Variants in ZNF503 observed in about 807,000 individuals in gnomAD.
ZNF503 encodes NocA-like zinc finger 2.
Under a neutral mutation model 34.4 loss-of-function variants are expected in ZNF503, and 15 were observed. That is an observed-to-expected ratio of 0.44 (90% CI 0.29 to 0.67). The LOEUF (loss-of-function observed/expected upper bound fraction) is 0.67. ZNF503 is among the 30% of genes least tolerant of loss of function. The probability of loss-of-function intolerance (pLI) is 0.13; values close to 1 mark genes in which losing one functional copy is unlikely to be tolerated. For synonymous variants in ZNF503, 580 were observed against 456.8 expected (o/e 1.27, Z -3.44); for missense variants, 1,007 against 926.8 (o/e 1.09, Z -1.12).
the ZNF503 span, among the ~76,000 whole-genome samples, chr10:75,281,039 C>T: frequency 6.6e-6 from 1 of 152,056 alleles, no homozygotes; most frequent in African/African-American, 2.4e-5. Context: ...ACAAAGCCTG[C>T]TGTGTGATAA....
chr10:75,309,099 C>T, the ZNF503 span, among the ~76,000 whole-genome samples: 2 of 152,284 alleles, frequency 1.3e-5, no homozygotes, highest in East Asian at 1.9e-4. Context: ...CTGCCTCAGC[C>T]GCTCAGTGTT....
rs777547751 is a variant in ZNF503 at position 75,399,640 on chromosome 10, G to A, written c.1050C>T (p.Phe350=). The part of the protein sequence containing the change: ...VSPYKPGQTV[F]PLPPAGMTYP... ...AGGTCATACCCGCGGGAGGCAGAGGGAACACTGTCTGGCCCGGCTTGTAGG... is the reference window on the plus strand; with the variant it reads ...AGGTCATACCCGCGGGAGGCAGAGGAAACACTGTCTGGCCCGGCTTGTAGG... Residue 350 remains phenylalanine (F), a synonymous_variant, in exon 2 of 2, where the codon TTC becomes TTT. Transcript: ENST00000372524. 11 of 1,598,990 alleles carry A rather than the reference G, an allele frequency of 6.9e-6. No homozygotes were observed. The highest frequency in any genetic ancestry group is 2.2e-5 in the East Asian group (1 of 44,858).
chr10:75,367,306 C>T, the ZNF503 span, among the ~76,000 whole-genome samples: 6 of 152,252 alleles, frequency 3.9e-5, no homozygotes, highest in South Asian at 2.1e-4. Flanking sequence ...ACCCCACCCA[C>T]GCACGGGAAA....
At chr10:75,357,989 A>G in the ZNF503 span, among the ~76,000 whole-genome samples, 2 of 152,228 alleles carry the variant, frequency 1.3e-5, no homozygotes, top group African/African-American at 4.8e-5. Flanking sequence ...CTCCAGACCC[A>G]GTGGGTGCTC....
At chr10:75,364,112 T>C in the ZNF503 span, among the ~76,000 whole-genome samples, 7 of 152,142 alleles carry the variant, frequency 4.6e-5, no homozygotes, top group Non-Finnish European at 8.8e-5. Flanking sequence ...TACAGGTGGG[T>C]CAATATATTG....
chr10:75,332,468 C>CTTTTTTTTTTTTT, the ZNF503 span, among the ~76,000 whole-genome samples: 1 of 140,856 alleles, frequency 7.1e-6, no homozygotes, highest in South Asian at 2.3e-4. Context: ...TTAAATTTTT[C>CTTTTTTTTTTTTT]TTTTTTTTTT....
chr10:75,366,948 C>A, the ZNF503 span, among the ~76,000 whole-genome samples: 1 of 152,224 alleles, frequency 6.6e-6, no homozygotes, highest in African/African-American at 2.4e-5. Flanking sequence ...CCTCCCCTTT[C>A]CTGATTCACT....
the ZNF503 span, among the ~76,000 whole-genome samples, chr10:75,378,268 C>T: frequency 6.6e-6 from 1 of 152,076 alleles, no homozygotes; most frequent in Non-Finnish European, 1.5e-5. Flanking sequence ...AAAGGACAAC[C>T]CCTTCTTTTC....
the ZNF503 span, among the ~76,000 whole-genome samples, chr10:75,344,164 G>A: frequency 6.6e-6 from 1 of 152,234 alleles, no homozygotes. Flanking sequence ...GGCTCCTTGG[G>A]TGGGCCCTTC....
the ZNF503 span, among the ~76,000 whole-genome samples, chr10:75,338,997 G>A: frequency 1.2e-4 from 19 of 152,300 alleles, no homozygotes; most frequent in African/African-American, 3.8e-4. Context: ...GGAGGCCGAG[G>A]CGGGTGGATT....
chr10:75,344,920 G>A, the ZNF503 span, among the ~76,000 whole-genome samples: 54 of 152,306 alleles, frequency 3.5e-4, no homozygotes, highest in South Asian at 6.2e-4. Context: ...GCCTCTGCAC[G>A]TCTTTGTCCT....
chr10:75,286,546 C>T, the ZNF503 span, among the ~76,000 whole-genome samples: 1 of 152,130 alleles, frequency 6.6e-6, no homozygotes, highest in African/African-American at 2.4e-5. Context: ...TGACCTTAGA[C>T]AAGTTGCTTA....
the ZNF503 span, among the ~76,000 whole-genome samples, chr10:75,346,421 TTCTC>T: frequency 6.6e-6 from 1 of 151,996 alleles, no homozygotes; most frequent in Non-Finnish European, 1.5e-5. Flanking sequence ...CTTTCTCTCT[TTCTC>T]TATCTTTTTT....
At chr10:75,282,205 G>C in the ZNF503 span, among the ~76,000 whole-genome samples, 1 of 152,200 alleles carries the variant, frequency 6.6e-6, no homozygotes, top group African/African-American at 2.4e-5. Flanking sequence ...CTTGGCCAAC[G>C]ACTGGTGTAG....
chr10:75,353,512 C>T, the ZNF503 span, among the ~76,000 whole-genome samples: 30 of 151,778 alleles, frequency 2.0e-4, no homozygotes, highest in African/African-American at 7.3e-4. Flanking sequence ...GAGCTCAGGG[C>T]GGGTGCCAGG....
At chr10:75,344,997 G>A in the ZNF503 span, among the ~76,000 whole-genome samples, 15 of 152,320 alleles carry the variant, frequency 9.8e-5, no homozygotes, top group Admixed American at 4.6e-4. Context: ...AAAGTAGCTG[G>A]TGTGACATTG....
the ZNF503 span, among the ~76,000 whole-genome samples, chr10:75,391,235 T>A: frequency 6.6e-5 from 10 of 152,154 alleles, no homozygotes; most frequent in African/African-American, 2.4e-4. Context: ...TGTGGCCAAG[T>A]GACTCAACTC....
chr10:75,343,068 G>T, the ZNF503 span, among the ~76,000 whole-genome samples: 9 of 152,146 alleles, frequency 5.9e-5, no homozygotes, highest in African/African-American at 9.7e-5. Context: ...AGGCAAAATG[G>T]GGGGAAGGAG....
the ZNF503 span, among the ~76,000 whole-genome samples, chr10:75,368,788 GT>G: frequency 6.6e-6 from 1 of 152,224 alleles, no homozygotes; most frequent in African/African-American, 2.4e-5. Context: ...CTAATGGATG[GT>G]TTCATTCAGG....
Sources: gnomAD v4.1 joint callset for allele counts (sites outside exome capture counted in the v4.1 genomes callset) on GRCh38, gnomAD v4.1.1 for gene constraint, MANE v1.5 for transcripts, NCBI Gene and HGNC (gene_info 2026-07-23, HGNC 2026-07-21) for gene names.